Variants in FGD3 observed in about 807,000 individuals in gnomAD.
FGD3 encodes FYVE, RhoGEF and PH domain containing 3, also known as FYVE, RhoGEF and PH domain-containing protein 3.
Under a neutral mutation model 71.8 loss-of-function variants are expected in FGD3, and 45 were observed. That is an observed-to-expected ratio of 0.63 (90% CI 0.49 to 0.80). The LOEUF is 0.80. FGD3 is among the 30% of genes least tolerant of loss of function. The probability of loss-of-function intolerance (pLI) is 0.00; values close to 1 mark genes in which losing one functional copy is unlikely to be tolerated. For missense variants in FGD3, 844 were observed against 951.5 expected (o/e 0.89, Z 1.49); for synonymous variants, 378 against 392.8 (o/e 0.96, Z 0.44).
At chr9:92,992,791 T>G (rs1431883258) in intron 3 of FGD3, among the ~76,000 whole-genome samples, 1 of 152,058 alleles carries the variant, frequency 6.6e-6, no homozygotes, top group Admixed American at 6.5e-5. Flanking sequence ...GGGGGTGGGG[T>G]GTGTACACTT....
chr9:92,976,648 G>A lies in FGD3; in HGVS notation c.392G>A (p.Gly131Asp), dbSNP rs1859770413. The change falls in exon 3 of 18, where the codon GGT becomes GAT. Residue 131 changes from glycine to aspartate, a missense_variant. Gly to Asp is a moderately conservative substitution (Grantham distance 94). Transcript: ENST00000375482. ...TPQEEADSDV[G>D]EEPDSENTPQ... is the part of the protein sequence containing the mutation. ...CAGGAGGAGGCGGACAGCGACGTGGGTGAGGAACCTGACTCTGAGAACACC... is the reference window on the plus strand; with the variant it reads ...CAGGAGGAGGCGGACAGCGACGTGGATGAGGAACCTGACTCTGAGAACACC... The A allele has an allele frequency of 6.2e-7, 1 of 1,612,168 alleles. No homozygotes were observed. Among genetic ancestry groups the A allele is most frequent in the East Asian group, 2.2e-5 (1 of 44,866 alleles).
In FGD3 at chr9:93,035,824, G is replaced by A; in HGVS notation, c.*235G>A. The A allele has an allele frequency of 5.5e-6, 3 of 544,678 alleles. No individual in the cohort carries two copies. The South Asian group carries it at 9.3e-5, about 17-fold the overall frequency. 33.7% of individuals were successfully genotyped at this position (544,678 alleles called of 1,614,324 possible). On this transcript the variant is annotated 3_prime_UTR_variant, in exon 18 of 18. Coordinates refer to ENST00000375482, the MANE Select transcript of FGD3 (RefSeq NM_001083536.2). ...CCTGGCCTCCAGCCCCAGCAGTGTGGCCCAGAGCAGGGGCCGACTGCCAAA... is the reference window on the plus strand; with the variant it reads ...CCTGGCCTCCAGCCCCAGCAGTGTGACCCAGAGCAGGGGCCGACTGCCAAA...
chr9:93,013,942 C>G lies in FGD3; in HGVS notation c.1126C>G (p.Gln376Glu). The change falls in exon 9 of 18, where the codon CAA becomes GAA. Residue 376 changes from glutamine to glutamate, a missense_variant. Coordinates refer to ENST00000375482, the MANE Select transcript of FGD3 (RefSeq NM_001083536.2). ...GGCCAATGAACTGATCAAGGAGGGCCAAATCCAGAAACTGTCAGCCAAGAA... is the reference window on the plus strand; with the variant it reads ...GGCCAATGAACTGATCAAGGAGGGCGAAATCCAGAAACTGTCAGCCAAGAA... ...NPANELIKEG[Q>E]IQKLSAKNGT... is the part of the protein sequence containing the mutation. The G allele has an allele frequency of 2.5e-6, 4 of 1,611,862 alleles. No individual in the cohort carries two copies. The highest frequency in any genetic ancestry group is 2.5e-6 in the Non-Finnish European group (3 of 1,179,168).
At position 93,034,561 on chromosome 9, in the gene FGD3, C is replaced by G. The variant is rs768663064; in HGVS notation, c.1806C>G (p.Pro602=). The change falls in exon 17 of 18, where the codon CCC becomes CCG. Residue 602 remains proline (P), a synonymous_variant. Transcript: ENST00000375482. The part of the protein sequence containing the change: ...ESTEKTPTAD[P]QPSLLCGPLR... Reference sequence around the variant, plus strand: ...CCCAGAAGACACCCACTGCAGACCCCCAGCCCAGCCTGCTCTGCGGCCCCC... The same window carrying G: ...CCCAGAAGACACCCACTGCAGACCCGCAGCCCAGCCTGCTCTGCGGCCCCC... 1 of 1,612,536 alleles carries G rather than the reference C, an allele frequency of 6.2e-7. No homozygotes were observed. The highest frequency in any genetic ancestry group is 8.5e-7 in the Non-Finnish European group (1 of 1,179,328).
chr9:93,031,093 AG>A lies in FGD3; in HGVS notation c.1680+1100del, dbSNP rs567132857. ...GATGGATGGATGGATGGGTGGATGA[AG>A]GGATGATGGATGGATGGATGATGGA... is the stretch of plus-strand genomic sequence containing the variant. On this transcript the variant is annotated intron_variant, in intron 15 of 17. Coordinates refer to ENST00000375482, the MANE Select transcript of FGD3 (RefSeq NM_001083536.2). Among the ~76,000 whole-genome samples, 130 of 151,784 alleles carry A rather than the reference AG, an allele frequency of 8.6e-4. 1 individual carries two copies. The highest frequency in any genetic ancestry group is 1.4e-3 in the Non-Finnish European group (98 of 67,866).
chr9:93,006,252 A>T (rs1861049683), intron 6 of FGD3, 72 bp downstream of exon 6: 4 of 1,406,226 alleles, frequency 2.8e-6, no homozygotes, highest in Middle Eastern at 2.0e-4. Context: ...TATTTTTTAA[A>T]AACATATGTA....
chr9:93,035,103 G>A (rs542175209), intron 17 of FGD3, among the ~76,000 whole-genome samples: 22 of 152,292 alleles, frequency 1.4e-4, no homozygotes, highest in Non-Finnish European at 2.8e-4. Context: ...CTGGTGAGGT[G>A]GGCAAGGCAT....
In FGD3 at chr9:93,013,932, C is replaced by CA. The variant is rs1564163760; in HGVS notation, c.1118dup (p.Glu374GlyfsTer116). On this transcript the variant is annotated frameshift_variant, in exon 9 of 18. Transcript: ENST00000375482. LOFTEE classifies it high-confidence loss of function. ...TTGTCAACCCGGCCAATGAACTGAT[C>CA]AAGGAGGGCCAAATCCAGAAACTGT... 2 of 1,612,378 alleles carry CA rather than the reference C, an allele frequency of 1.2e-6. No individual in the cohort carries two copies. Among genetic ancestry groups the CA allele is most frequent in the Non-Finnish European group, 1.7e-6 (2 of 1,179,390 alleles).
chr9:92,952,590 C>T (rs1472918610), intron 1 of FGD3, among the ~76,000 whole-genome samples: 1 of 152,068 alleles, frequency 6.6e-6, no homozygotes, highest in East Asian at 1.9e-4. Context: ...CCTCTACCCT[C>T]CAATCCTAAG....
intron 1 of FGD3, among the ~76,000 whole-genome samples, chr9:92,971,566 CTTTTTTTTTTTTTT>C: frequency 2.5e-5 from 1 of 39,582 alleles, no homozygotes; most frequent in African/African-American, 9.2e-5. Context: ...CTTTTCTTTT[CTTTTTTTTTTTTTT>C]TTTTTTTTTT....
At chr9:92,951,664 G>A (rs1858956882) in intron 1 of FGD3, among the ~76,000 whole-genome samples, 1 of 152,238 alleles carries the variant, frequency 6.6e-6, no homozygotes, top group Admixed American at 6.5e-5. Flanking sequence ...GACAGAGCGA[G>A]ACCCTGTCTC....
In FGD3 at chr9:93,034,436, G is replaced by A. The variant is rs913839765; in HGVS notation, c.1786-105G>A. 1.4e-5 allele frequency: 20 copies of A among 1,429,496 alleles called. No homozygotes were observed. The African/African-American group carries it at 2.5e-4, about 18-fold the overall frequency. The allele number at this position is 1,429,496 out of a possible 1,614,324, so 88.6% of individuals were successfully genotyped here. On this transcript the variant is annotated intron_variant, in intron 16 of 17. Coordinates refer to ENST00000375482, the MANE Select transcript of FGD3 (RefSeq NM_001083536.2). ...TGCAGATCTTGGCCATGTCTCCACA[G>A]CCAGCTCCCCCCAAGCAGTGGCCCT...
intron 3 of FGD3, among the ~76,000 whole-genome samples, 157 bp from the exon 4 acceptor site, chr9:93,002,768 T>A (rs1042625302): frequency 6.6e-6 from 1 of 152,304 alleles, no homozygotes; most frequent in East Asian, 1.9e-4. Context: ...GAGCACCACA[T>A]CGCCATCACA....
chr9:93,005,884 C>A, intron 5 of FGD3, 140 bp from the exon 6 acceptor site: 2 of 824,890 alleles, frequency 2.4e-6, no homozygotes, highest in Non-Finnish European at 3.7e-6. Flanking sequence ...GAAGCTAAGG[C>A]TCAGAGAGGG....
At position 93,035,356 on chromosome 9, in the gene FGD3, A is replaced by G. The variant is rs781411296; in HGVS notation, c.1945A>G (p.Thr649Ala). The G allele has an allele frequency of 3.1e-6, 5 of 1,610,154 alleles. No individual in the cohort carries two copies. The Admixed American group carries it at 8.4e-5, about 27-fold the overall frequency. Reference protein sequence around the residue: ...GGSQDGRLPRTIPLPSCKLSV... With the variant: ...GGSQDGRLPRAIPLPSCKLSV... ...GCTGCAGGACGGCCGGCTGCCCCGCACCATCCCTCTCCCCAGCTGCAAACT... is the reference window on the plus strand; with the variant it reads ...GCTGCAGGACGGCCGGCTGCCCCGCGCCATCCCTCTCCCCAGCTGCAAACT... Residue 649 changes from threonine to alanine, a missense_variant, in exon 18 of 18, where the codon ACC becomes GCC. By Grantham distance (58) the Thr-to-Ala change is moderately conservative. Coordinates refer to ENST00000375482, the MANE Select transcript of FGD3 (RefSeq NM_001083536.2).
chr9:93,016,363 G>A (rs1466752360), intron 10 of FGD3, among the ~76,000 whole-genome samples: 4 of 73,086 alleles, frequency 5.5e-5, no homozygotes, highest in Admixed American at 1.5e-4. Context: ...TTTTTGAGAC[G>A]GAGTCTCGCT....
At chr9:92,975,199 G>A (rs961615793) in intron 1 of FGD3, 39 bp from the exon 2 acceptor site, 8 of 152,308 alleles carry the variant, frequency 5.3e-5, no homozygotes, top group African/African-American at 1.7e-4. Context: ...AATGCCAGTT[G>A]GAGAAGGTGG....
chr9:93,017,837 G>GA (rs1564166045), intron 10 of FGD3, among the ~76,000 whole-genome samples: 1 of 152,102 alleles, frequency 6.6e-6, no homozygotes, highest in Non-Finnish European at 1.5e-5. Context: ...GCGACATGGG[G>GA]AGGATGCCTG....
chr9:93,034,518 A>G, intron 16 of FGD3, 23 bp from the exon 17 acceptor site: 1 of 1,599,834 alleles, frequency 6.3e-7, no homozygotes, highest in South Asian at 1.1e-5. Flanking sequence ...GACTGCCCCT[A>G]ACCTGTGTCT....
Sources: allele counts gnomAD v4.1 joint callset (sites outside exome capture counted in the v4.1 genomes callset), GRCh38; gene constraint gnomAD v4.1.1; transcripts MANE v1.5; gene names NCBI Gene and HGNC (gene_info 2026-07-23, HGNC 2026-07-21).